NRROS: variants seen among roughly 807,000 people sequenced by gnomAD.
NRROS encodes negative regulator of reactive oxygen species, also known as transforming growth factor beta activator LRRC33.
In NRROS, 6 loss-of-function variants were observed where a neutral mutation model predicts 12.0. The ratio of observed to expected loss-of-function variants is 0.50; its 90% confidence interval spans 0.27 to 0.98. NRROS has a LOEUF of 0.98. Ranked by LOEUF, NRROS falls within the 50% of genes least tolerant of loss-of-function variation. NRROS has a pLI of 0.11. For synonymous variants in NRROS, 462 were observed against 410.2 expected (o/e 1.13, Z -1.53); for missense variants, 857 against 888.2 (o/e 0.96, Z 0.45).
At chr3:196,659,334 T>C (rs1737610899) in intron 2 of NRROS, among the ~76,000 whole-genome samples, 1 of 138,420 alleles carries the variant, frequency 7.2e-6, no homozygotes, top group Admixed American at 8.0e-5. Flanking sequence ...GGAGTCTTGC[T>C]CTGTCGCCCA....
At chr3:196,647,566 G>A (rs1175435130) in intron 1 of NRROS, among the ~76,000 whole-genome samples, 1 of 152,060 alleles carries the variant, frequency 6.6e-6, no homozygotes, top group Non-Finnish European at 1.5e-5. Flanking sequence ...TTTGCTTTTT[G>A]CTTATTTTTT....
At chr3:196,650,984 C>T (rs1737412515) in intron 1 of NRROS, among the ~76,000 whole-genome samples, 1 of 152,230 alleles carries the variant, frequency 6.6e-6, no homozygotes, top group South Asian at 2.1e-4. Flanking sequence ...TGGGCACACT[C>T]TGGCTTAGAT....
chr3:196,650,798 G>A (rs1321434049), intron 1 of NRROS, among the ~76,000 whole-genome samples: 1 of 152,188 alleles, frequency 6.6e-6, no homozygotes, highest in Non-Finnish European at 1.5e-5. Flanking sequence ...TCATAGACAA[G>A]GTTGGCTATG....
chr3:196,650,335 G>C (rs1737400078), intron 1 of NRROS, among the ~76,000 whole-genome samples: 2 of 152,166 alleles, frequency 1.3e-5, no homozygotes, highest in African/African-American at 4.8e-5. Flanking sequence ...GTAGAGACAG[G>C]GTTTCACCAG....
In NRROS at chr3:196,660,291, C is replaced by T. The variant is rs201522930; in HGVS notation, c.648C>T (p.Asn216=). 1.2e-4 allele frequency: 186 copies of T among 1,613,888 alleles called. No homozygotes were observed. The highest frequency in any genetic ancestry group is 1.6e-4 in the African/African-American group (12 of 74,942). Reference sequence around the variant, plus strand: ...GGCACCTCAACCTGGCCTTCAACAACCTCCCCTGCATCGTGGACTTCGGGC... The same window carrying T: ...GGCACCTCAACCTGGCCTTCAACAATCTCCCCTGCATCGTGGACTTCGGGC... ...ELRHLNLAFN[N]LPCIVDFGLT... The change falls in exon 3 of 3, where the codon AAC becomes AAT. Residue 216 remains asparagine, a synonymous_variant. Transcript: ENST00000328557. This position sits in a 1 kb window ranked among gnomAD's most constrained non-coding sequence, Gnocchi z 7.7.
intron 1 of NRROS, among the ~76,000 whole-genome samples, chr3:196,640,567 G>A (rs984934834): frequency 2.6e-5 from 4 of 151,592 alleles, no homozygotes; most frequent in Non-Finnish European, 5.9e-5. Flanking sequence ...CTTATCAGAG[G>A]GAGACTAACA....
intron 2 of NRROS, among the ~76,000 whole-genome samples, chr3:196,657,638 C>T (rs1737567540): frequency 6.7e-6 from 1 of 149,186 alleles, no homozygotes; most frequent in South Asian, 2.1e-4. Context: ...ACCCGGCAGG[C>T]AGAGGTTGCA....
In NRROS at chr3:196,660,787, G is replaced by A. The variant is rs561014390; in HGVS notation, c.1144G>A (p.Asp382Asn). Reference sequence around the variant, plus strand: ...GCCCCCCGGAGCGCTCACCGAGCTGGACCTGAGCCACAACCAGCTGTCGGA... The same window carrying A: ...GCCCCCCGGAGCGCTCACCGAGCTGAACCTGAGCCACAACCAGCTGTCGGA... Reference protein sequence around the residue: ...HEPPGALTELDLSHNQLSELH... With the variant: ...HEPPGALTELNLSHNQLSELH... The change falls in exon 3 of 3, where the codon GAC (aspartate) becomes AAC (asparagine). Residue 382 changes from aspartate (D) to asparagine (N), a missense_variant. Physicochemically the swap from Asp to Asn is conservative, Grantham distance 23. Coordinates refer to ENST00000328557, the MANE Select transcript of NRROS (RefSeq NM_198565.3). The surrounding 1 kb of genome is among the most constrained non-coding windows in gnomAD (Gnocchi z 7.7). 3 of 1,613,712 alleles carry A rather than the reference G, an allele frequency of 1.9e-6. No homozygotes were observed. In the African/African-American group the frequency reaches 4.0e-5, roughly 21 times the overall value.
intron 1 of NRROS, among the ~76,000 whole-genome samples, chr3:196,651,624 A>G (rs1327112456): frequency 6.6e-6 from 1 of 152,064 alleles, no homozygotes. Context: ...AAAATTAGCC[A>G]GGCGTGGTGG....
chr3:196,653,531 C>T (rs1295295818), intron 1 of NRROS, among the ~76,000 whole-genome samples: 2 of 152,224 alleles, frequency 1.3e-5, no homozygotes, highest in Non-Finnish European at 2.9e-5. Flanking sequence ...AATGCTGGGG[C>T]CAGCTCTTGC....
At chr3:196,655,459 C>T (rs746441975) in intron 2 of NRROS, among the ~76,000 whole-genome samples, 7 of 151,820 alleles carry the variant, frequency 4.6e-5, no homozygotes, top group East Asian at 3.9e-4. Flanking sequence ...CGCTTGAACC[C>T]GGGAGACGGA....
chr3:196,661,240 T>C lies in NRROS; in HGVS notation c.1597T>C (p.Ser533Pro), dbSNP rs370662832. Reference sequence around the variant, plus strand: ...CTCCAGCTTTATGGCGTTGGACTTCTCTGGGTTTGGGAATCTCAGGGACTT... The same window carrying C: ...CTCCAGCTTTATGGCGTTGGACTTCCCTGGGTTTGGGAATCTCAGGGACTT... ...LHSSFMALDF[S>P]GFGNLRDLDL... The change falls in exon 3 of 3, where the codon TCT (serine) becomes CCT (proline). Residue 533 changes from serine to proline, a missense_variant. Coordinates refer to ENST00000328557, the MANE Select transcript of NRROS (RefSeq NM_198565.3). The C allele has an allele frequency of 1.2e-5, 20 of 1,613,898 alleles. No individual in the cohort carries two copies. Among genetic ancestry groups the C allele is most frequent in the Non-Finnish European group, 1.7e-5 (20 of 1,179,986 alleles).
rs1259676207 is a variant in NRROS at position 196,642,290 on chromosome 3, AAG to A, written c.-14+2417_-14+2418del. Among the ~76,000 whole-genome samples, 819 of 145,142 alleles carry A rather than the reference AAG, an allele frequency of 5.6e-3. 16 individuals carry two copies. Among genetic ancestry groups the A allele is most frequent in the African/African-American group, 0.017 (691 of 39,862 alleles). On this transcript the variant is annotated intron_variant, in intron 1 of 2. Coordinates refer to ENST00000328557, the MANE Select transcript of NRROS (RefSeq NM_198565.3). ...CCAACGTAAATATGCTTCGGCAAAA[AAG>A]AAAAAAAAAAAGGATTTATTGTTTC...
intron 1 of NRROS, among the ~76,000 whole-genome samples, chr3:196,646,531 G>A (rs991426293): frequency 1.3e-5 from 2 of 152,200 alleles, no homozygotes; most frequent in African/African-American, 4.8e-5. Context: ...GGAACAGGAC[G>A]AGGTGGGCTG....
rs369864683 is a variant in NRROS, at chr3:196,659,817, C to G, written c.174C>G (p.His58Gln). The part of the protein sequence containing the change: ...LASVPSSLPP[H>Q]ARMLTLDANP... ...CGGTGCCCAGCAGCCTCCCGCCCCA[C>G]GCCCGGATGCTCACCCTGGATGCCA... Residue 58 changes from histidine (H) to glutamine (Q), a missense_variant, in exon 3 of 3, where the codon CAC becomes CAG. Transcript: ENST00000328557. 1.2e-6 allele frequency: 2 copies of G among 1,613,916 alleles called. No individual in the cohort carries two copies. Among genetic ancestry groups the G allele is most frequent in the African/African-American group, 2.7e-5 (2 of 74,922 alleles).
At chr3:196,643,996 G>A (rs551808705) in intron 1 of NRROS, among the ~76,000 whole-genome samples, 25 of 152,266 alleles carry the variant, frequency 1.6e-4, no homozygotes, top group African/African-American at 5.5e-4. Context: ...GCAAGTTAGC[G>A]GTCTCCCTGT....
chr3:196,660,289 A>C lies in NRROS; in HGVS notation c.646A>C (p.Asn216His). The change falls in exon 3 of 3, where the codon AAC becomes CAC. Residue 216 changes from asparagine (N) to histidine (H), a missense_variant. Asn to His is a moderately conservative substitution (Grantham distance 68, BLOSUM62 1). Transcript: ENST00000328557. This position sits in a 1 kb window ranked among gnomAD's most constrained non-coding sequence, Gnocchi z 7.7. ...ELRHLNLAFNNLPCIVDFGLT... is the reference protein window; with the variant it reads ...ELRHLNLAFNHLPCIVDFGLT... ...GAGGCACCTCAACCTGGCCTTCAAC[A>C]ACCTCCCCTGCATCGTGGACTTCGG... The C allele has an allele frequency of 6.2e-7, 1 of 1,613,892 alleles. No homozygotes were observed. Among genetic ancestry groups the C allele is most frequent in the Non-Finnish European group, 8.5e-7 (1 of 1,179,992 alleles).
chr3:196,648,199 A>C (rs1737347339), intron 1 of NRROS, among the ~76,000 whole-genome samples: 1 of 152,234 alleles, frequency 6.6e-6, no homozygotes, highest in Non-Finnish European at 1.5e-5. Context: ...GTTTACAAGA[A>C]AGTACAATAC....
rs141716665 is a variant in NRROS at position 196,641,140 on chromosome 3, AAAAACAAAAC to A, written c.-14+1289_-14+1298del. On this transcript the variant is annotated intron_variant, in intron 1 of 2. Transcript: ENST00000328557. ...ACCTTAACTCCTGCCTTTAGGTTAA[AAAAACAAAAC>A]AAAACAAAACAAAACAAAACAAACT... is the stretch of plus-strand genomic sequence containing the variant. Among the ~76,000 whole-genome samples, 401 of 150,454 alleles carry A rather than the reference AAAAACAAAAC, an allele frequency of 2.7e-3. 1 individual carries two copies. Among genetic ancestry groups the A allele is most frequent in the African/African-American group, 9.1e-3 (373 of 40,794 alleles).
Sources: gnomAD v4.1 joint callset for allele counts (sites outside exome capture counted in the v4.1 genomes callset) on GRCh38, gnomAD v4.1.1 for gene constraint, Gnocchi (gnomAD v3.1) non-coding constraint, MANE v1.5 for transcripts, NCBI Gene and HGNC (gene_info 2026-07-23, HGNC 2026-07-21) for gene names.